The following AHNAK2 variants were observed in gnomAD, a reference collection of about 807,000 sequenced individuals.
AHNAK2 encodes the protein AHNAK nucleoprotein 2.
In AHNAK2, 18 loss-of-function variants were observed where a neutral mutation model predicts 30.7. That is an observed-to-expected ratio of 0.59 (90% CI 0.41 to 0.87). AHNAK2 has a LOEUF of 0.87. Among genes scored for constraint, AHNAK2 ranks in the 40% least tolerant of loss-of-function variants. The probability of loss-of-function intolerance (pLI) is 0.00; values close to 1 mark genes in which losing one functional copy is unlikely to be tolerated. For synonymous variants in AHNAK2, 3,590 were observed against 3,073.8 expected, an observed-to-expected ratio of 1.17 and a Z score of -5.56; for missense variants, 8,604 against 7,373.0, an observed-to-expected ratio of 1.17 and a Z score of -6.11.
Position 104,966,124 on chromosome 14 carries a change from G to A in AHNAK2, c.56-8452C>T, listed in dbSNP as rs1200094828. The stretch of plus-strand genomic sequence containing the variant: ...GGGCTGGAGGATGGTGTCTCCTGGA[G>A]GAGGTTCTCTCAAGCGAAGGAAGAG... On this transcript the variant is annotated intron_variant, in intron 1 of 6. Coordinates refer to ENST00000333244, the MANE Select transcript of AHNAK2 (RefSeq NM_138420.4). This position sits in a 1 kb window ranked among gnomAD's most constrained non-coding sequence, Gnocchi z 4.3. 1.3e-5 allele frequency among the ~76,000 whole-genome samples: 2 copies of A among 152,170 alleles called. No individual in the cohort carries two copies. Among genetic ancestry groups the A allele is most frequent in the African/African-American group, 2.4e-5 (1 of 41,446 alleles).
chr14:104,972,910 C>A (rs1435028806), intron 1 of AHNAK2, among the ~76,000 whole-genome samples: 1 of 152,192 alleles, frequency 6.6e-6, no homozygotes, highest in South Asian at 2.1e-4. Flanking sequence ...AGGCTGGAGG[C>A]CCTGGGCTCT....
Position 104,943,823 on chromosome 14 carries a change from C to T in AHNAK2, c.11628G>A (p.Val3876=). 6.2e-7 allele frequency: 1 copy of T among 1,611,912 alleles called. No individual in the cohort carries two copies. Residue 3876 remains valine (V), a synonymous_variant, in exon 7 of 7, where the codon GTG becomes GTA. Coordinates refer to ENST00000333244, the MANE Select transcript of AHNAK2 (RefSeq NM_138420.4). ...GTCCTTTGAGGCCGGCTTCCTCGGG[C>T]ACGTGGCCCTCCAGGAGTTTCATGT... is the stretch of plus-strand genomic sequence containing the variant. The part of the protein sequence containing the change: ...QVDMKLLEGH[V]PEEAGLKGHL...
Position 104,949,477 on chromosome 14 carries a change from T to G in AHNAK2, c.5974A>C (p.Lys1992Gln). Residue 1992 changes from lysine to glutamine, a missense_variant, in exon 7 of 7, where the codon AAA becomes CAA. Transcript: ENST00000333244. ...TAKDSKFKMP[K>Q]FKMPSFGVSA... ...ACCCCGAACGACGGCATCTTGAATT[T>G]GGGCATTTTGAACTTGCTGTCTTTG... 1 of 1,587,886 alleles carries G rather than the reference T, an allele frequency of 6.3e-7. No individual in the cohort carries two copies. The highest frequency in any genetic ancestry group is 8.6e-7 in the Non-Finnish European group (1 of 1,162,788).
At chr14:104,961,556 C>G (rs1899149944) in intron 1 of AHNAK2, among the ~76,000 whole-genome samples, 1 of 150,850 alleles carries the variant, frequency 6.6e-6, no homozygotes, top group East Asian at 1.9e-4. Flanking sequence ...TTACATTATA[C>G]TTAAAGTAGG....
Position 104,944,472 on chromosome 14 carries a change from G to C in AHNAK2, c.10979C>G (p.Ser3660Trp). 6.2e-7 allele frequency: 1 copy of C among 1,613,156 alleles called. No individual in the cohort carries two copies. Among genetic ancestry groups the C allele is most frequent in the Non-Finnish European group, 8.5e-7 (1 of 1,179,608 alleles). Residue 3660 changes from serine (S) to tryptophan (W), a missense_variant, in exon 7 of 7, where the codon TCG (serine) becomes TGG (tryptophan). Physicochemically the swap from Ser to Trp is radical, Grantham distance 177 (BLOSUM62 -3). Coordinates refer to ENST00000333244, the MANE Select transcript of AHNAK2 (RefSeq NM_138420.4). Reference protein sequence around the residue: ...VSAPGKSMEASVDVSAPKVEA... With the variant: ...VSAPGKSMEAWVDVSAPKVEA... ...CACCTTGGGTGCAGACACATCCACCGAGGCCTCCATGGACTTCCCTGGGGC... is the reference window on the plus strand; with the variant it reads ...CACCTTGGGTGCAGACACATCCACCCAGGCCTCCATGGACTTCCCTGGGGC...
rs1595437147 is a variant in AHNAK2, at chr14:104,978,244, G to A, written c.-7C>T. 8.3e-7 allele frequency: 1 copy of A among 1,205,560 alleles called. No homozygotes were observed. Among genetic ancestry groups the A allele is most frequent in the Non-Finnish European group, 1.0e-6 (1 of 970,602 alleles). The allele number at this position is 1,205,560 out of a possible 1,614,324, so 74.7% of individuals were successfully genotyped here. ...TGTGGAAGCAGTCGCACATCGCGGCGGCCAGGCGGTGCGGGCCTGGCGGCC... is the reference window on the plus strand; with the variant it reads ...TGTGGAAGCAGTCGCACATCGCGGCAGCCAGGCGGTGCGGGCCTGGCGGCC... On this transcript the variant is annotated 5_prime_UTR_variant, in exon 1 of 7. Transcript: ENST00000333244.
In AHNAK2 at chr14:104,939,109, G is replaced by C. The variant is rs769629249; in HGVS notation, c.16342C>G (p.Pro5448Ala). 1 of 1,606,166 alleles carries C rather than the reference G, an allele frequency of 6.2e-7. No individual in the cohort carries two copies. Among genetic ancestry groups the C allele is most frequent in the Admixed American group, 1.7e-5 (1 of 58,516 alleles). The change falls in exon 7 of 7, where the codon CCT becomes GCT. Residue 5448 changes from proline (P) to alanine (A), a missense_variant. Coordinates refer to ENST00000333244, the MANE Select transcript of AHNAK2 (RefSeq NM_138420.4). The stretch of plus-strand genomic sequence containing the variant: ...TCCAAAGGCAGGTTAAGGTCCACAG[G>C]CTGCTCCCCAGGGACCCCAGCACCT... ...KAGAGVPGEQ[P>A]VDLNLPLEAP... is the part of the protein sequence containing the mutation.
chr14:104,971,885 A>G (rs1165710304), intron 1 of AHNAK2, among the ~76,000 whole-genome samples: 1 of 152,228 alleles, frequency 6.6e-6, no homozygotes, highest in African/African-American at 2.4e-5. Flanking sequence ...GGCCCAGCCC[A>G]GGCCTTAGGG....
rs773269588 is a variant in AHNAK2 at position 104,947,746 on chromosome 14, C to T, written c.7705G>A (p.Val2569Met). 6.2e-7 allele frequency: 1 copy of T among 1,602,380 alleles called. No individual in the cohort carries two copies. Among genetic ancestry groups the T allele is most frequent in the Non-Finnish European group, 8.5e-7 (1 of 1,175,072 alleles). ...GAGLKGHLPK[V>M]QMPSFKMPEM... ...GGCATCTTGAAACTGGGCATCTGCACCTTGGGCAGGTGCCCTTTGAGGCCG... is the reference window on the plus strand; with the variant it reads ...GGCATCTTGAAACTGGGCATCTGCATCTTGGGCAGGTGCCCTTTGAGGCCG... The change falls in exon 7 of 7, where the codon GTG becomes ATG. Residue 2569 changes from valine (V) to methionine (M), a missense_variant. Coordinates refer to ENST00000333244, the MANE Select transcript of AHNAK2 (RefSeq NM_138420.4).
Position 104,955,476 on chromosome 14 carries a change from A to G in AHNAK2, c.466+7T>C, listed in dbSNP as rs770515298. On this transcript the variant is annotated splice_region_variant and intron_variant, in intron 5 of 6. Transcript: ENST00000333244. ...TGGTGACCCCAGGGATGGAACTGCC[A>G]TGGCACCTTCTCTCAAGTTAAAAAG... is the stretch of plus-strand genomic sequence containing the variant. 35 of 1,611,546 alleles carry G rather than the reference A, an allele frequency of 2.2e-5. No homozygotes were observed. Among genetic ancestry groups the G allele is most frequent in the Non-Finnish European group, 2.8e-5 (33 of 1,178,876 alleles).
chr14:104,962,912 A>G (rs1233809908), intron 1 of AHNAK2, among the ~76,000 whole-genome samples: 6 of 152,238 alleles, frequency 3.9e-5, no homozygotes, highest in Non-Finnish European at 8.8e-5. Context: ...TAAAACTTCT[A>G]GAAGAAAATA....
At chr14:104,959,521 C>T (rs919039118) in intron 1 of AHNAK2, among the ~76,000 whole-genome samples, 1 of 152,130 alleles carries the variant, frequency 6.6e-6, no homozygotes, top group Non-Finnish European at 1.5e-5. Flanking sequence ...CCTATAGTCC[C>T]AGCTGCTCAG....
rs745855705 is a variant in AHNAK2, at chr14:104,942,487, C to T, written c.12964G>A (p.Asp4322Asn). 6.2e-7 allele frequency: 1 copy of T among 1,612,858 alleles called. No homozygotes were observed. Among genetic ancestry groups the T allele is most frequent in the Non-Finnish European group, 8.5e-7 (1 of 1,179,558 alleles). The change falls in exon 7 of 7, where the codon GAT (aspartate) becomes AAT (asparagine). Residue 4322 changes from aspartate to asparagine, a missense_variant. By Grantham distance (23) the Asp-to-Asn change is conservative. Coordinates refer to ENST00000333244, the MANE Select transcript of AHNAK2 (RefSeq NM_138420.4). The stretch of plus-strand genomic sequence containing the variant: ...GCCTCCACCTTCAGCGCAGACACAT[C>T]CAACGAGGCCTCGATGGACTTGCCT... Reference protein sequence around the residue: ...APGKSIEASLDVSALKVEADV... With the variant: ...APGKSIEASLNVSALKVEADV...
Position 104,952,909 on chromosome 14 carries a change from G to T in AHNAK2, c.2542C>A (p.Pro848Thr). The T allele has an allele frequency of 1.2e-6, 2 of 1,611,764 alleles. No homozygotes were observed. Among genetic ancestry groups the T allele is most frequent in the South Asian group, 2.2e-5 (2 of 90,974 alleles). ...ACCGAGTCCTCCATGGACTTGCCTG[G>T]GGCCGACACCCCGAATGATGGCATC... ...FKMPSFGVSAPGKSMEDSVDV... is the reference protein window; with the variant it reads ...FKMPSFGVSATGKSMEDSVDV... Residue 848 changes from proline (P) to threonine (T), a missense_variant, in exon 7 of 7, where the codon CCA (proline) becomes ACA (threonine). Coordinates refer to ENST00000333244, the MANE Select transcript of AHNAK2 (RefSeq NM_138420.4).
Position 104,944,251 on chromosome 14 carries a change from C to T in AHNAK2, c.11200G>A (p.Val3734Met). 1 of 1,612,940 alleles carries T rather than the reference C, an allele frequency of 6.2e-7. No homozygotes were observed. Among genetic ancestry groups the T allele is most frequent in the Non-Finnish European group, 8.5e-7 (1 of 1,179,524 alleles). Residue 3734 changes from valine (V) to methionine (M), a missense_variant, in exon 7 of 7, where the codon GTG becomes ATG. Transcript: ENST00000333244. ...TCCACCTGGGGGCCCTTGAGGTCCA[C>T]TTTGGGCATCTTCAAACTGGGCATC... The part of the protein sequence containing the change: ...VEMPSLKMPK[V>M]DLKGPQVDIK...
rs370380313 is a variant in AHNAK2, at chr14:104,948,368, G to C, written c.7083C>G (p.Leu2361=). 5.1e-5 allele frequency: 82 copies of C among 1,611,726 alleles called. 2 individuals carry two copies. In the African/African-American group the frequency reaches 6.1e-4, roughly 12 times the overall value. ...DVSLPSMQGD[L]KTTDLSVQPP... is the part of the protein sequence containing the mutation. ...GCTGAACGCTGAGGTCAGTGGTCTT[G>C]AGGTCCCCCTGCATGGAGGGGAGGC... The change falls in exon 7 of 7, where the codon CTC becomes CTG. Residue 2361 remains leucine, a synonymous_variant. Coordinates refer to ENST00000333244, the MANE Select transcript of AHNAK2 (RefSeq NM_138420.4).
chr14:104,953,939 T>C lies in AHNAK2; in HGVS notation c.1512A>G (p.Arg504=). 1 of 1,614,006 alleles carries C rather than the reference T, an allele frequency of 6.2e-7. No individual in the cohort carries two copies. Among genetic ancestry groups the C allele is most frequent in the Non-Finnish European group, 8.5e-7 (1 of 1,179,896 alleles). Residue 504 remains arginine (R), a synonymous_variant, in exon 7 of 7, where the codon AGA becomes AGG. Coordinates refer to ENST00000333244, the MANE Select transcript of AHNAK2 (RefSeq NM_138420.4). ...FAFSTEKEPE[R]ERRLSTPQRG... ...GCTGTGGGGTACTAAGGCGCCTTTC[T>C]CTTTCTGGCTCTTTTTCTGTGGAAA...
At position 104,954,406 on chromosome 14, in the gene AHNAK2, C is replaced by G. The variant is rs754706899; in HGVS notation, c.1045G>C (p.Gly349Arg). 53 of 1,612,912 alleles carry G rather than the reference C, an allele frequency of 3.3e-5. No individual in the cohort carries two copies. The Admixed American group carries it at 8.3e-4, about 25-fold the overall frequency. ...TGQPGRGFQS[G>R]VGRAGVLEEL... ...TCCAGGACCCCAGCACGGCCCACCC[C>G]ACTCTGGAACCCCCTGCCTGGCTGT... is the stretch of plus-strand genomic sequence containing the variant. The change falls in exon 7 of 7, where the codon GGG becomes CGG. Residue 349 changes from glycine to arginine, a missense_variant. Transcript: ENST00000333244. This position sits in a 1 kb window ranked among gnomAD's most constrained non-coding sequence, Gnocchi z 4.3.
At position 104,946,653 on chromosome 14, in the gene AHNAK2, G is replaced by C. The variant is rs766656833; in HGVS notation, c.8798C>G (p.Thr2933Arg). 6.2e-7 allele frequency: 1 copy of C among 1,612,530 alleles called. No homozygotes were observed. Among genetic ancestry groups the C allele is most frequent in the Admixed American group, 1.7e-5 (1 of 59,878 alleles). Residue 2933 changes from threonine to arginine, a missense_variant, in exon 7 of 7, where the codon ACG becomes AGG. Physicochemically the swap from Thr to Arg is moderately conservative, Grantham distance 71 (BLOSUM62 -1). Coordinates refer to ENST00000333244, the MANE Select transcript of AHNAK2 (RefSeq NM_138420.4). ...LDLKGPKAEV[T>R]APDVEVSLPS... ...CAGAGACACCTCCACGTCGGGGGCC[G>C]TCACCTCCGCCTTGGGGCCTTTCAG...
Sources: allele counts gnomAD v4.1 joint callset (sites outside exome capture counted in the v4.1 genomes callset), GRCh38; gene constraint gnomAD v4.1.1; non-coding constraint Gnocchi (gnomAD v3.1); transcripts MANE v1.5; gene names NCBI Gene and HGNC (gene_info 2026-07-23, HGNC 2026-07-21).